CACNA2D3: variants seen among roughly 807,000 people sequenced by gnomAD.
CACNA2D3 encodes calcium voltage-gated channel auxiliary subunit alpha2delta 3, also known as voltage-dependent calcium channel subunit alpha-2/delta-3.
A neutral mutation model predicts 160.6 loss-of-function variants in CACNA2D3; 60 were observed. The observed-to-expected ratio is 0.37, with a 90% CI of 0.30 to 0.46. The LOEUF (loss-of-function observed/expected upper bound fraction) is 0.46, where lower values mean the gene tolerates loss of function less well. Ranked by LOEUF, CACNA2D3 falls within the 20% of genes least tolerant of loss-of-function variation. The pLI is 1.00. For missense variants in CACNA2D3, 1,205 were observed against 1,365.0 expected, an observed-to-expected ratio of 0.88 and a Z score of 1.85; for synonymous variants, 558 against 492.9, an observed-to-expected ratio of 1.13 and a Z score of -1.75.
intron 27 of CACNA2D3, among the ~76,000 whole-genome samples, chr3:54,958,279 G>C (rs1701950393): frequency 6.6e-6 from 1 of 152,212 alleles, no homozygotes; most frequent in Non-Finnish European, 1.5e-5. Context: ...TATAATCCCA[G>C]CTACTCAGGA....
intron 4 of CACNA2D3, among the ~76,000 whole-genome samples, chr3:54,460,773 G>T (rs879164496): frequency 2.0e-5 from 3 of 151,920 alleles, no homozygotes; most frequent in Non-Finnish European, 4.4e-5. Flanking sequence ...TTATTTCCTT[G>T]TTCTGCCTAA....
chr3:54,464,522 C>G (rs1351593697), intron 4 of CACNA2D3, among the ~76,000 whole-genome samples: 1 of 152,234 alleles, frequency 6.6e-6, no homozygotes, highest in Non-Finnish European at 1.5e-5. Context: ...GCAGTTTGAT[C>G]TCAGAGTGCT....
At chr3:54,195,873 A>G (rs1433569329) in intron 2 of CACNA2D3, among the ~76,000 whole-genome samples, 1 of 152,240 alleles carries the variant, frequency 6.6e-6, no homozygotes, top group Admixed American at 6.5e-5. Context: ...CATTTATGCA[A>G]GTGAAAACCC....
chr3:54,304,155 T>C (rs1215342557), intron 2 of CACNA2D3, among the ~76,000 whole-genome samples: 2 of 152,178 alleles, frequency 1.3e-5, no homozygotes, highest in Admixed American at 6.5e-5. Flanking sequence ...CAACTCCCTT[T>C]CTTCCCCCGA....
intron 11 of CACNA2D3, among the ~76,000 whole-genome samples, chr3:54,673,620 C>T (rs1037254492): frequency 6.6e-6 from 1 of 152,140 alleles, no homozygotes; most frequent in African/African-American, 2.4e-5. Context: ...AATGAAACTC[C>T]TTTCAGGGCA....
intron 4 of CACNA2D3, among the ~76,000 whole-genome samples, chr3:54,413,276 T>A (rs1208641270): frequency 6.6e-6 from 1 of 151,458 alleles, no homozygotes. Context: ...TATCTTTGTA[T>A]CTTTGTTCTC....
intron 6 of CACNA2D3, among the ~76,000 whole-genome samples, chr3:54,566,654 T>C (rs544765507): frequency 6.6e-6 from 1 of 152,342 alleles, no homozygotes; most frequent in East Asian, 1.9e-4. Flanking sequence ...GTTAGGTTCA[T>C]GCATGATTAT....
chr3:54,420,697 T>A (rs1484099213), intron 4 of CACNA2D3, among the ~76,000 whole-genome samples: 1 of 152,224 alleles, frequency 6.6e-6, no homozygotes, highest in East Asian at 1.9e-4. Flanking sequence ...TGTACTATTA[T>A]TGCCCCTACT....
chr3:54,427,333 G>C (rs1248505346), intron 4 of CACNA2D3, among the ~76,000 whole-genome samples: 1 of 151,980 alleles, frequency 6.6e-6, no homozygotes, highest in Non-Finnish European at 1.5e-5. Flanking sequence ...CTTCTCCTTG[G>C]GTCTCCCATC....
intron 5 of CACNA2D3, among the ~76,000 whole-genome samples, chr3:54,557,201 C>T (rs1049166697): frequency 6.6e-6 from 1 of 152,276 alleles, no homozygotes; most frequent in Admixed American, 6.5e-5. Context: ...GTGTACAACA[C>T]AGCCCCCATT....
chr3:54,736,556 CA>C (rs1353931694), intron 11 of CACNA2D3, among the ~76,000 whole-genome samples: 1 of 152,100 alleles, frequency 6.6e-6, no homozygotes, highest in Non-Finnish European at 1.5e-5. Context: ...GGATATTTCC[CA>C]ATACCCTTGT....
chr3:54,556,316 C>T (rs1702241533), intron 5 of CACNA2D3, among the ~76,000 whole-genome samples: 1 of 151,984 alleles, frequency 6.6e-6, no homozygotes, highest in Admixed American at 6.6e-5. Context: ...AGATTTGACA[C>T]AGAGACACAC....
intron 2 of CACNA2D3, among the ~76,000 whole-genome samples, chr3:54,314,790 AC>A (rs1436070847): frequency 6.6e-6 from 1 of 152,238 alleles, no homozygotes; most frequent in African/African-American, 2.4e-5. Flanking sequence ...TGCCTGGCAT[AC>A]CAGAGACACC....
intron 3 of CACNA2D3, among the ~76,000 whole-genome samples, chr3:54,332,527 G>A (rs1363587092): frequency 3.9e-5 from 6 of 152,212 alleles, no homozygotes; most frequent in Non-Finnish European, 8.8e-5. Flanking sequence ...CACATCCAAT[G>A]TGTAAATCAA....
At chr3:54,916,214 A>G (rs1700655776) in intron 27 of CACNA2D3, among the ~76,000 whole-genome samples, 1 of 152,224 alleles carries the variant, frequency 6.6e-6, no homozygotes, top group Non-Finnish European at 1.5e-5. Context: ...TACACGGTAC[A>G]CGGTGTGAGC....
chr3:54,983,963 T>C (rs2107101273), intron 29 of CACNA2D3, among the ~76,000 whole-genome samples: 1 of 152,254 alleles, frequency 6.6e-6, no homozygotes, highest in East Asian at 1.9e-4. Context: ...TTACCTTGCT[T>C]TCTACAATTT....
intron 2 of CACNA2D3, among the ~76,000 whole-genome samples, chr3:54,312,173 C>T (rs775234293): frequency 2.0e-5 from 3 of 152,134 alleles, no homozygotes; most frequent in Non-Finnish European, 4.4e-5. Flanking sequence ...TCAAGGCAAA[C>T]GCTCCACATT....
intron 27 of CACNA2D3, among the ~76,000 whole-genome samples, chr3:54,902,088 C>G (rs1282256389): frequency 6.6e-6 from 1 of 152,206 alleles, no homozygotes; most frequent in Non-Finnish European, 1.5e-5. Flanking sequence ...TGTGCCCCAA[C>G]AGCAGATGGG....
Position 54,918,302 on chromosome 3 carries a change from A to G in CACNA2D3, c.2449+18434A>G, listed in dbSNP as rs1294547605. 4.0e-6 allele frequency: 3 copies of G among 743,850 alleles called. No homozygotes were observed. In the East Asian group the frequency reaches 7.8e-5, roughly 19 times the overall value. 46.1% of individuals were successfully genotyped at this position (743,850 alleles called of 1,614,324 possible). On this transcript the variant is annotated intron_variant, in intron 27 of 37. Coordinates refer to ENST00000474759, the MANE Select transcript of CACNA2D3 (RefSeq NM_018398.3). Reference sequence around the variant, plus strand: ...TCGCAACATAAATTCCTCCCCAGAAATATTTTTTACAGACACATCTTTTTT... The same window carrying G: ...TCGCAACATAAATTCCTCCCCAGAAGTATTTTTTACAGACACATCTTTTTT...
Sources: gnomAD v4.1 joint callset for allele counts (sites outside exome capture counted in the v4.1 genomes callset) on GRCh38, gnomAD v4.1.1 for gene constraint, MANE v1.5 for transcripts, NCBI Gene and HGNC (gene_info 2026-07-23, HGNC 2026-07-21) for gene names.